The following TTC39B variants were observed in gnomAD, a reference collection of about 807,000 sequenced individuals.
TTC39B encodes the protein tetratricopeptide repeat domain 39B, also known as tetratricopeptide repeat protein 39B.
In TTC39B, 92 loss-of-function variants were observed where a neutral mutation model predicts 96.6. The observed-to-expected ratio is 0.95, with a 90% CI of 0.80 to 1.13. TTC39B has a LOEUF of 1.13. Ranked by LOEUF, TTC39B falls within the 50% of genes most tolerant of loss-of-function variation. The probability of loss-of-function intolerance (pLI) is 0.00; values close to 1 mark genes in which losing one functional copy is unlikely to be tolerated. For synonymous variants in TTC39B, 367 were observed against 299.4 expected (o/e 1.23, Z -2.33); for missense variants, 955 against 809.3 (o/e 1.18, Z -2.18).
exon 20 of TTC39B, chr9:15,164,428 C>T (rs975109786): frequency 2.3e-4 from 35 of 152,104 alleles, no homozygotes; most frequent in African/African-American, 8.5e-4. Flanking sequence ...ATTCTGAACT[C>T]CTTCTACATG....
chr9:15,175,031 A>G (rs150466215), exon 19 of TTC39B: 5 of 1,613,224 alleles, frequency 3.1e-6, no homozygotes, highest in Non-Finnish European at 4.2e-6. Flanking sequence ...TGCAGTTTCT[A>G]GGAACTTTAT....
chr9:15,222,124 T>C (rs1283683209), intron 3 of TTC39B, among the ~76,000 whole-genome samples: 1 of 152,176 alleles, frequency 6.6e-6, no homozygotes, highest in African/African-American at 2.4e-5. Flanking sequence ...TCTTTTGTCG[T>C]AGTTGTTAAA....
chr9:15,266,790 G>C (rs904655693), intron 2 of TTC39B, among the ~76,000 whole-genome samples: 3 of 152,010 alleles, frequency 2.0e-5, no homozygotes, highest in Non-Finnish European at 4.4e-5. Flanking sequence ...TTATAAGAAA[G>C]GACATCAGGC....
chr9:15,260,673 T>C (rs7862255), intron 2 of TTC39B, among the ~76,000 whole-genome samples: 45,451 of 151,916 alleles, frequency 0.3, 10,875 homozygotes, highest in African/African-American at 0.67. Flanking sequence ...CTACAATTTA[T>C]GGTTCGAAAG....
intron 5 of TTC39B, 88 bp downstream of exon 5, chr9:15,211,178 A>G: frequency 7.4e-7 from 1 of 1,353,602 alleles, no homozygotes; most frequent in Non-Finnish European, 9.7e-7. Flanking sequence ...TCAAACACAG[A>G]GCTTTTGGTC....
intron 1 of TTC39B, among the ~76,000 whole-genome samples, chr9:15,284,521 T>C (rs769279148): frequency 5.9e-5 from 9 of 152,208 alleles, no homozygotes; most frequent in Non-Finnish European, 1.0e-4. Flanking sequence ...TACCCAACTC[T>C]CTTCAGACAT....
At chr9:15,296,539 G>A (rs1317761669) in intron 1 of TTC39B, among the ~76,000 whole-genome samples, 2 of 152,070 alleles carry the variant, frequency 1.3e-5, no homozygotes, top group African/African-American at 4.8e-5. Flanking sequence ...TTTTTGCCTA[G>A]GCTGGAGCTC....
chr9:15,303,149 C>G (rs1432522174), intron 1 of TTC39B, among the ~76,000 whole-genome samples: 1 of 151,948 alleles, frequency 6.6e-6, no homozygotes, highest in Non-Finnish European at 1.5e-5. Flanking sequence ...GCCTGGGCAA[C>G]AGAGGGAGAC....
intron 1 of TTC39B, among the ~76,000 whole-genome samples, chr9:15,284,297 T>C (rs977786787): frequency 6.6e-6 from 1 of 152,234 alleles, no homozygotes; most frequent in African/African-American, 2.4e-5. Flanking sequence ...TATACTATCA[T>C]TACAGTCTGT....
chr9:15,208,083 G>A (rs1482226819), intron 6 of TTC39B, among the ~76,000 whole-genome samples: 1 of 150,778 alleles, frequency 6.6e-6, no homozygotes, highest in Non-Finnish European at 1.5e-5. Flanking sequence ...AGGCAGAAGT[G>A]CAGTGGCGCG....
chr9:15,166,533 G>C (rs577302924), exon 20 of TTC39B: 119 of 152,324 alleles, frequency 7.8e-4, no homozygotes, highest in African/African-American at 2.8e-3. Context: ...AGGACAGTCT[G>C]TCAAGATCAG....
chr9:15,249,331 C>A (rs1161640296), intron 2 of TTC39B: 1 of 152,196 alleles, frequency 6.6e-6, no homozygotes, highest in African/African-American at 2.4e-5. Context: ...TTTTTGGTAG[C>A]TCACATTTAC....
intron 2 of TTC39B, among the ~76,000 whole-genome samples, chr9:15,231,567 T>A (rs548565072): frequency 6.6e-6 from 1 of 152,338 alleles, no homozygotes; most frequent in South Asian, 2.1e-4. Context: ...TATTATTCAT[T>A]TGAATACTGC....
At chr9:15,209,948 G>A (rs1003065) in intron 6 of TTC39B, 140 bp downstream of exon 6, 39,506 of 642,002 alleles carry the variant, frequency 0.062, 1,348 homozygotes, top group Admixed American at 0.07. Flanking sequence ...TATTAACAAT[G>A]ATTTCTTCCA....
At chr9:15,256,818 C>T (rs1026157819) in intron 2 of TTC39B, among the ~76,000 whole-genome samples, 1 of 152,156 alleles carries the variant, frequency 6.6e-6, no homozygotes, top group Non-Finnish European at 1.5e-5. Context: ...GAGGGTCATG[C>T]ATGAGGGCAA....
In TTC39B at chr9:15,233,637, C is replaced by G. The variant is rs1485580606; in HGVS notation, c.276-7625G>C. On this transcript the variant is annotated intron_variant, in intron 2 of 19. Coordinates refer to ENST00000512701, the Ensembl canonical transcript of TTC39B. ...CCTCCCGAGGTGCCGGGATTGCAGA[C>G]GGAGTCTCGTTCGCTCAGTGCTCAA... is the stretch of plus-strand genomic sequence containing the variant. Among the ~76,000 whole-genome samples, 3 of 152,188 alleles carry G rather than the reference C, an allele frequency of 2.0e-5. No individual in the cohort carries two copies. In the South Asian group the frequency reaches 6.2e-4, roughly 31 times the overall value.
chr9:15,265,902 A>C (rs1481745596), intron 2 of TTC39B, among the ~76,000 whole-genome samples: 1 of 152,136 alleles, frequency 6.6e-6, no homozygotes, highest in African/African-American at 2.4e-5. Flanking sequence ...ACTCCTCAAA[A>C]CTGTCAAGGT....
At chr9:15,293,069 G>A (rs1017696654) in intron 1 of TTC39B, among the ~76,000 whole-genome samples, 11 of 152,188 alleles carry the variant, frequency 7.2e-5, no homozygotes, top group Admixed American at 5.9e-4. Flanking sequence ...CATGGTAAGT[G>A]CCCTATACAG....
intron 1 of TTC39B, among the ~76,000 whole-genome samples, chr9:15,305,304 C>T (rs1000475192): frequency 1.3e-5 from 2 of 152,228 alleles, no homozygotes; most frequent in Non-Finnish European, 2.9e-5. Context: ...ACTATGCCTT[C>T]TCTAAGGCAC....
Sources: allele counts gnomAD v4.1 joint callset (sites outside exome capture counted in the v4.1 genomes callset), GRCh38; gene constraint gnomAD v4.1.1; transcripts MANE v1.5; gene names NCBI Gene and HGNC (gene_info 2026-07-23, HGNC 2026-07-21).